THSD7B: variants seen among roughly 807,000 people sequenced by gnomAD.
The protein encoded by THSD7B is thrombospondin type-1 domain-containing protein 7B.
THSD7B carries 138 observed loss-of-function variants against 213.6 expected under a neutral mutation model. The ratio of observed to expected loss-of-function variants is 0.65; its 90% CI spans 0.56 to 0.74. THSD7B has a LOEUF of 0.74. Among genes scored for constraint, THSD7B ranks in the 30% least tolerant of loss-of-function variants. The pLI is 0.00. For missense variants in THSD7B, 1,931 were observed against 1,991.5 expected (o/e 0.97, Z 0.58); for synonymous variants, 742 against 687.0 (o/e 1.08, Z -1.25).
chr2:137,307,910 T>C (rs1049865099), intron 12 of THSD7B, among the ~76,000 whole-genome samples: 6 of 151,950 alleles, frequency 3.9e-5, no homozygotes, highest in African/African-American at 1.4e-4. Flanking sequence ...ACAAGGAGTC[T>C]TATAGGTTCC....
At chr2:137,485,319 A>G (rs1282146821) in intron 15 of THSD7B, among the ~76,000 whole-genome samples, 1 of 150,294 alleles carries the variant, frequency 6.7e-6, no homozygotes, top group Non-Finnish European at 1.5e-5. Context: ...TTTGTCAAAG[A>G]TCAGATAGTT....
At chr2:137,325,763 A>G (rs900719183) in intron 12 of THSD7B, among the ~76,000 whole-genome samples, 1 of 152,222 alleles carries the variant, frequency 6.6e-6, no homozygotes, top group Non-Finnish European at 1.5e-5. Context: ...GCTGCAAGTA[A>G]TTTAAAATCC....
intron 4 of THSD7B, among the ~76,000 whole-genome samples, chr2:137,107,271 G>C (rs1335399632): frequency 6.6e-6 from 1 of 152,150 alleles, no homozygotes; most frequent in African/African-American, 2.4e-5. Flanking sequence ...ATCATTCTCA[G>C]CAAACTAACA....
intron 9 of THSD7B, 38 bp from the exon 10 acceptor site, chr2:137,242,419 C>T: frequency 6.6e-7 from 1 of 1,525,446 alleles, no homozygotes; most frequent in Middle Eastern, 1.7e-4. Flanking sequence ...GGCTTAGTCT[C>T]TCAAAAAGGC....
At chr2:137,281,944 G>T (rs1176941031) in intron 12 of THSD7B, among the ~76,000 whole-genome samples, 2 of 152,252 alleles carry the variant, frequency 1.3e-5, no homozygotes, top group East Asian at 3.9e-4. Flanking sequence ...GGGTCAAATG[G>T]TATTTCTAGT....
chr2:137,103,965 T>C (rs1326276048), intron 4 of THSD7B, among the ~76,000 whole-genome samples: 4 of 150,986 alleles, frequency 2.6e-5, no homozygotes, highest in Non-Finnish European at 5.9e-5. Context: ...CTGTCAATAT[T>C]AGATCAACGA....
intron 1 of THSD7B, among the ~76,000 whole-genome samples, chr2:136,823,162 CT>C (rs33994518): frequency 0.042 from 6,389 of 152,146 alleles, 453 homozygotes; most frequent in African/African-American, 0.14. Context: ...GTAGGATATC[CT>C]TGTGTAAGGT....
chr2:137,116,427 T>TA (rs1425846203), intron 5 of THSD7B, among the ~76,000 whole-genome samples: 1 of 152,198 alleles, frequency 6.6e-6, no homozygotes, highest in East Asian at 1.9e-4. Context: ...GAATTTAGAT[T>TA]AAAAGGCTCC....
chr2:137,188,901 G>A (rs948636540), intron 7 of THSD7B, among the ~76,000 whole-genome samples: 20 of 152,302 alleles, frequency 1.3e-4, no homozygotes, highest in African/African-American at 3.9e-4. Flanking sequence ...AAAGATGGAG[G>A]AAGAGTTTTA....
chr2:137,255,813 T>C (rs1682293095), intron 10 of THSD7B, among the ~76,000 whole-genome samples: 1 of 152,110 alleles, frequency 6.6e-6, no homozygotes, highest in African/African-American at 2.4e-5. Flanking sequence ...GGCTTAAGCC[T>C]CCTGAGTGGC....
intron 7 of THSD7B, among the ~76,000 whole-genome samples, chr2:137,190,193 G>A (rs1223675955): frequency 6.6e-6 from 1 of 152,160 alleles, no homozygotes; most frequent in Non-Finnish European, 1.5e-5. Context: ...TTTCTCATAG[G>A]CAATAGCATG....
At chr2:137,205,841 T>C (rs1206110233) in intron 7 of THSD7B, among the ~76,000 whole-genome samples, 1 of 152,058 alleles carries the variant, frequency 6.6e-6, no homozygotes, top group Non-Finnish European at 1.5e-5. Context: ...CAGTTTGCAT[T>C]AATTCAGACC....
intron 7 of THSD7B, among the ~76,000 whole-genome samples, chr2:137,182,674 A>G (rs1239747278): frequency 6.6e-6 from 1 of 152,164 alleles, no homozygotes; most frequent in East Asian, 1.9e-4. Flanking sequence ...GCATAGGTTG[A>G]GTGCACCCTG....
intron 12 of THSD7B, among the ~76,000 whole-genome samples, chr2:137,284,922 T>G (rs1001419202): frequency 6.6e-6 from 1 of 152,106 alleles, no homozygotes; most frequent in African/African-American, 2.4e-5. Flanking sequence ...AGGTCCACTT[T>G]GTGCAGAGCT....
intron 1 of THSD7B, among the ~76,000 whole-genome samples, chr2:136,832,983 A>G (rs1682780274): frequency 6.6e-6 from 1 of 152,178 alleles, no homozygotes; most frequent in African/African-American, 2.4e-5. Context: ...TGATGAAACC[A>G]TCACTCTTCT....
chr2:136,978,578 G>C (rs1412026922), intron 2 of THSD7B, among the ~76,000 whole-genome samples: 1 of 151,938 alleles, frequency 6.6e-6, no homozygotes, highest in Non-Finnish European at 1.5e-5. Flanking sequence ...CTTTGTTAAA[G>C]TCCGGTTTTT....
At chr2:137,596,769 T>A (rs1681968544) in intron 17 of THSD7B, among the ~76,000 whole-genome samples, 1 of 151,970 alleles carries the variant, frequency 6.6e-6, no homozygotes, top group Non-Finnish European at 1.5e-5. Context: ...TCTTCAAGAT[T>A]GTTAATACCA....
chr2:137,612,533 C>T (rs1682308070), intron 17 of THSD7B, among the ~76,000 whole-genome samples: 1 of 152,080 alleles, frequency 6.6e-6, no homozygotes, highest in African/African-American at 2.4e-5. Context: ...GCAAAGAAGG[C>T]TGGGATGTAT....
chr2:136,838,402 T>G (rs1682874555), intron 1 of THSD7B, among the ~76,000 whole-genome samples: 1 of 152,156 alleles, frequency 6.6e-6, no homozygotes, highest in South Asian at 2.1e-4. Flanking sequence ...AAGGTCAATA[T>G]TTAAACCACT....
Sources: gnomAD v4.1 joint callset for allele counts (sites outside exome capture counted in the v4.1 genomes callset) on GRCh38, gnomAD v4.1.1 for gene constraint, MANE v1.5 for transcripts, NCBI Gene and HGNC (gene_info 2026-07-23, HGNC 2026-07-21) for gene names.